OPRM1: variants seen among roughly 807,000 people sequenced by gnomAD.
OPRM1 encodes the protein opioid receptor mu 1, also known as mu-type opioid receptor.
OPRM1 carries 27 observed loss-of-function variants against 31.8 expected under a neutral mutation model. The observed-to-expected ratio is 0.85, with a 90% CI of 0.63 to 1.17. The LOEUF (loss-of-function observed/expected upper bound fraction) is 1.17. Ranked by LOEUF, OPRM1 falls within the 50% of genes most tolerant of loss-of-function variation. The pLI is 0.00. For missense variants in OPRM1, 536 were observed against 511.1 expected, an observed-to-expected ratio of 1.05 and a Z score of -0.47; for synonymous variants, 196 against 189.9, an observed-to-expected ratio of 1.03 and a Z score of -0.26.
rs1163159751 is a variant in OPRM1 at position 154,125,473 on chromosome 6, A to G, written c.*6752A>G. Among the ~76,000 whole-genome samples the G allele has an allele frequency of 6.6e-6, 1 of 152,250 alleles. No homozygotes were observed. Among genetic ancestry groups the G allele is most frequent in the Non-Finnish European group, 1.5e-5 (1 of 68,044 alleles). On this transcript the variant is annotated 3_prime_UTR_variant, in exon 4 of 4. Coordinates refer to ENST00000330432, the MANE Select transcript of OPRM1 (RefSeq NM_000914.5). ...AAAGTATTACATTCTTAGCATAAGT[A>G]TACTCATAAAGAAAAATAAGTATTT...
chr6:154,161,079 C>T (rs899887115), intron 3 of OPRM1, among the ~76,000 whole-genome samples: 1 of 152,208 alleles, frequency 6.6e-6, no homozygotes, highest in African/African-American at 2.4e-5. Context: ...ACAACACTAG[C>T]TCACACCTCC....
intron 3 of OPRM1, among the ~76,000 whole-genome samples, chr6:154,171,632 T>A (rs1423520013): frequency 6.6e-6 from 1 of 152,194 alleles, no homozygotes; most frequent in Non-Finnish European, 1.5e-5. Flanking sequence ...GTGAAATATA[T>A]CTCAATAAAA....
intron 3 of OPRM1, among the ~76,000 whole-genome samples, chr6:154,163,381 C>T (rs1466302529): frequency 6.6e-6 from 1 of 152,182 alleles, no homozygotes; most frequent in East Asian, 1.9e-4. Context: ...TTTCCTTTTT[C>T]AGATTTTACA....
rs75137648 is a variant in OPRM1, at chr6:154,081,863, C to A, written c.291-7963C>A. ...CTCAAATACTTGTAACTCTGTGTGC[C>A]TCGGGTCCTTCACCATCAAGCAAAG... On this transcript the variant is annotated intron_variant, in intron 1 of 3. Transcript: ENST00000330432. Among the ~76,000 whole-genome samples, 387 of 152,248 alleles carry A rather than the reference C, an allele frequency of 2.5e-3. 2 individuals carry two copies. The highest frequency in any genetic ancestry group is 8.9e-3 in the African/African-American group (371 of 41,542).
intron 3 of OPRM1, chr6:154,159,882 G>GGTGTCATCA (rs768737234): frequency 2.0e-5 from 32 of 1,613,170 alleles, no homozygotes; most frequent in Non-Finnish European, 2.7e-5. Context: ...GTTCCTGGGG[G>GGTGTCATCA]GTGTCATCAG....
intron 3 of OPRM1, among the ~76,000 whole-genome samples, chr6:154,161,094 T>C (rs1918761): frequency 0.67 from 101,908 of 152,202 alleles, 34,772 homozygotes; most frequent in East Asian, 0.89. Flanking sequence ...ACCTCCGTGT[T>C]GTTGTGCCAC....
intron 3 of OPRM1, among the ~76,000 whole-genome samples, chr6:154,222,272 T>C (rs1778926426): frequency 6.6e-6 from 1 of 152,234 alleles, no homozygotes; most frequent in African/African-American, 2.4e-5. Flanking sequence ...AGGGTTTTTG[T>C]AAATAGCCAA....
chr6:154,146,703 T>C (rs1187316840), intron 3 of OPRM1, among the ~76,000 whole-genome samples: 1 of 152,102 alleles, frequency 6.6e-6, no homozygotes, highest in East Asian at 1.9e-4. Context: ...CACAATATCA[T>C]CCTTAATATG....
intron 1 of OPRM1, among the ~76,000 whole-genome samples, chr6:154,081,924 G>A (rs1381776334): frequency 1.3e-5 from 2 of 152,108 alleles, no homozygotes; most frequent in East Asian, 1.9e-4. Context: ...GGCCTCTCCC[G>A]GTCTTCTCTT....
intron 3 of OPRM1, among the ~76,000 whole-genome samples, chr6:154,191,771 G>T (rs1801910491): frequency 6.6e-6 from 1 of 152,060 alleles, no homozygotes. Flanking sequence ...AATATTTATT[G>T]CCAGTTGTAA....
chr6:154,103,073 A>T (rs75800771), intron 3 of OPRM1, among the ~76,000 whole-genome samples: 1 of 152,172 alleles, frequency 6.6e-6, no homozygotes, highest in East Asian at 1.9e-4. Context: ...AAAGATGAAG[A>T]TATTGTTAGA....
chr6:154,099,922 G>T (rs9384179), intron 3 of OPRM1, among the ~76,000 whole-genome samples: 3 of 141,470 alleles, frequency 2.1e-5, no homozygotes, highest in East Asian at 2.0e-4. Flanking sequence ...ATCATAACAT[G>T]TATTATCATA....
chr6:154,192,870 A>T (rs1802037378), intron 3 of OPRM1, among the ~76,000 whole-genome samples: 1 of 152,130 alleles, frequency 6.6e-6, no homozygotes, highest in South Asian at 2.1e-4. Context: ...AAAATAATAG[A>T]TGTTGGTGTG....
At chr6:154,019,434 C>G (rs1438980029) in intron 1 of OPRM1, among the ~76,000 whole-genome samples, 1 of 152,018 alleles carries the variant, frequency 6.6e-6, no homozygotes, top group Non-Finnish European at 1.5e-5. Flanking sequence ...CATTAGAGTT[C>G]ACTTTTGGTG....
At chr6:154,048,521 C>T (rs910454592) in intron 1 of OPRM1, among the ~76,000 whole-genome samples, 3 of 152,160 alleles carry the variant, frequency 2.0e-5, no homozygotes, top group Non-Finnish European at 2.9e-5. Flanking sequence ...AAGACTTGAA[C>T]TATATCTATC....
chr6:154,104,496 C>T (rs1018731342), intron 3 of OPRM1, among the ~76,000 whole-genome samples: 2 of 152,144 alleles, frequency 1.3e-5, no homozygotes, highest in Non-Finnish European at 2.9e-5. Context: ...CATTACCCAT[C>T]CCTCTTGTTT....
intron 1 of OPRM1, among the ~76,000 whole-genome samples, chr6:154,043,166 C>G (rs561684915): frequency 2.0e-5 from 3 of 152,182 alleles, no homozygotes; most frequent in African/African-American, 7.2e-5. Context: ...CTGTGGGCTG[C>G]GTAAACCATC....
rs990370239 is a variant in OPRM1 at position 154,122,596 on chromosome 6, C to T, written c.*3875C>T. 6.6e-6 allele frequency among the ~76,000 whole-genome samples: 1 copy of T among 152,160 alleles called. No homozygotes were observed. Among genetic ancestry groups the T allele is most frequent in the African/African-American group, 2.4e-5 (1 of 41,456 alleles). On this transcript the variant is annotated 3_prime_UTR_variant, in exon 4 of 4. Transcript: ENST00000330432. ...ATTACAAATAATTTCAACCCATAGTCAGTGTTCTTCACTGTCTTCAAAAAT... is the reference window on the plus strand; with the variant it reads ...ATTACAAATAATTTCAACCCATAGTTAGTGTTCTTCACTGTCTTCAAAAAT...
chr6:154,140,595 G>T (rs1340636787), intron 3 of OPRM1, among the ~76,000 whole-genome samples: 1 of 152,162 alleles, frequency 6.6e-6, no homozygotes, highest in Non-Finnish European at 1.5e-5. Flanking sequence ...CTCCCAAAGT[G>T]CTGGGATTAC....
Sources: allele counts gnomAD v4.1 joint callset (sites outside exome capture counted in the v4.1 genomes callset), GRCh38; gene constraint gnomAD v4.1.1; transcripts MANE v1.5; gene names NCBI Gene and HGNC (gene_info 2026-07-23, HGNC 2026-07-21).